The following CDH18 variants were observed in gnomAD, a reference collection of about 807,000 sequenced individuals.
CDH18 encodes cadherin 18, also known as cadherin-18.
CDH18 carries 31 observed loss-of-function variants against 67.9 expected under a neutral mutation model. The observed-to-expected ratio is 0.46, with a 90% CI of 0.34 to 0.62. The LOEUF is 0.62. Among genes scored for constraint, CDH18 ranks in the 20% least tolerant of loss-of-function variants. The pLI, the probability that CDH18 is intolerant of heterozygous loss-of-function variation, is 0.01. For missense variants in CDH18, 890 were observed against 975.5 expected (o/e 0.91, Z 1.17); for synonymous variants, 362 against 347.2 (o/e 1.04, Z -0.48).
At chr5:20,356,753 C>CTCTATA (rs1228584814) in intron 1 of CDH18, among the ~76,000 whole-genome samples, 46 of 121,548 alleles carry the variant, frequency 3.8e-4, no homozygotes, top group African/African-American at 1.3e-3. Context: ...CTCTCTCTCT[C>CTCTATA]TATATATATA....
At chr5:20,356,753 CTATA>C (rs35935150) in intron 1 of CDH18, among the ~76,000 whole-genome samples, 14 of 121,550 alleles carry the variant, frequency 1.2e-4, no homozygotes, top group South Asian at 2.9e-4. Context: ...CTCTCTCTCT[CTATA>C]TATATATATA....
intron 5 of CDH18, among the ~76,000 whole-genome samples, chr5:19,658,944 A>G (rs1756794174): frequency 6.6e-6 from 1 of 152,060 alleles, no homozygotes; most frequent in Non-Finnish European, 1.5e-5. Context: ...TGTGGCACAT[A>G]TACACCATGG....
intron 1 of CDH18, among the ~76,000 whole-genome samples, chr5:20,507,808 G>A (rs1445536874): frequency 6.6e-6 from 1 of 152,036 alleles, no homozygotes; most frequent in African/African-American, 2.4e-5. Flanking sequence ...CTCTACATAA[G>A]GGCATTTTGA....
At chr5:20,256,972 A>AATC (rs1554108490) in intron 1 of CDH18, among the ~76,000 whole-genome samples, 46 of 141,196 alleles carry the variant, frequency 3.3e-4, no homozygotes, top group African/African-American at 1.1e-3. Flanking sequence ...TAATCTATCT[A>AATC]TATCTATATC....
chr5:19,485,785 G>A (rs1004393649), intron 11 of CDH18, among the ~76,000 whole-genome samples: 11 of 152,252 alleles, frequency 7.2e-5, no homozygotes, highest in African/African-American at 2.6e-4. Flanking sequence ...CAATCTTACA[G>A]CTGCTCCTCT....
At chr5:19,960,658 T>C (rs546837930) in intron 2 of CDH18, among the ~76,000 whole-genome samples, 52 of 131,378 alleles carry the variant, frequency 4.0e-4, no homozygotes, top group Non-Finnish European at 6.4e-4. Context: ...CGTGTATATA[T>C]ATATACACAT....
chr5:20,222,054 GACC>G (rs1741268370), intron 2 of CDH18, among the ~76,000 whole-genome samples: 1 of 151,896 alleles, frequency 6.6e-6, no homozygotes, highest in African/African-American at 2.4e-5. Flanking sequence ...CTCTTCCCTG[GACC>G]ACCTTGGTTT....
At chr5:20,126,842 T>C (rs1286989051) in intron 2 of CDH18, among the ~76,000 whole-genome samples, 2 of 152,206 alleles carry the variant, frequency 1.3e-5, no homozygotes, top group Non-Finnish European at 2.9e-5. Flanking sequence ...AAATTGAAAC[T>C]TTTGTGCACT....
At chr5:20,321,975 T>C (rs1389420696) in intron 1 of CDH18, among the ~76,000 whole-genome samples, 1 of 152,152 alleles carries the variant, frequency 6.6e-6, no homozygotes, top group African/African-American at 2.4e-5. Flanking sequence ...GCTTAATTGA[T>C]ATATTTAAAA....
In CDH18 at chr5:20,419,462, GTTTTTTTTTTTTTTTTT is replaced by G. The variant is rs202130030; in HGVS notation, c.-580+155983_-580+155999del. Among the ~76,000 whole-genome samples the G allele has an allele frequency of 2.2e-3, 164 of 75,638 alleles. 2 individuals are homozygous for G. Among genetic ancestry groups the G allele is most frequent in the South Asian group, 0.018 (47 of 2,550 alleles). The allele number at this position is 75,638 out of a possible 152,430, so 49.6% of individuals were successfully genotyped here. On this transcript the variant is annotated intron_variant, in intron 1 of 14. Coordinates refer to the CDH18 transcript ENST00000507958. The stretch of plus-strand genomic sequence containing the variant: ...CCAACCACCCAGGGTATGGGACTCT[GTTTTTTTTTTTTTTTTT>G]TTTTTTTTTTTTTTGAGATGGAGTC...
intron 2 of CDH18, among the ~76,000 whole-genome samples, chr5:20,237,475 G>T (rs1190883461): frequency 1.3e-5 from 2 of 151,804 alleles, no homozygotes; most frequent in Admixed American, 6.6e-5. Flanking sequence ...AAGTAAATTT[G>T]CAAGATATAA....
chr5:20,391,299 G>A (rs1744834657), intron 1 of CDH18, among the ~76,000 whole-genome samples: 1 of 151,798 alleles, frequency 6.6e-6, no homozygotes, highest in Admixed American at 6.6e-5. Context: ...ATCATGATGG[G>A]GTGGTTAGGG....
At chr5:20,306,761 T>G (rs1208092218) in intron 1 of CDH18, among the ~76,000 whole-genome samples, 2 of 152,172 alleles carry the variant, frequency 1.3e-5, no homozygotes, top group Non-Finnish European at 2.9e-5. Context: ...AATGCGTCTA[T>G]TTTTCCCTAT....
chr5:20,268,793 G>A (rs551571092), intron 1 of CDH18, among the ~76,000 whole-genome samples: 1 of 152,200 alleles, frequency 6.6e-6, no homozygotes, highest in South Asian at 2.1e-4. Context: ...AAAACCTAGG[G>A]AAAACTCTTC....
At chr5:19,661,817 T>G (rs2150314462) in intron 5 of CDH18, among the ~76,000 whole-genome samples, 1 of 152,184 alleles carries the variant, frequency 6.6e-6, no homozygotes, top group East Asian at 1.9e-4. Context: ...GAGCAATGAA[T>G]TTACCCTCCG....
At chr5:20,247,593 G>A (rs144165691) in intron 2 of CDH18, among the ~76,000 whole-genome samples, 1,712 of 151,822 alleles carry the variant, frequency 0.011, 34 homozygotes, top group African/African-American at 0.039. Flanking sequence ...GTGAAACCCC[G>A]TCTCTATTAA....
intron 1 of CDH18, chr5:20,305,948 T>C (rs532257482): frequency 6.0e-6 from 1 of 165,484 alleles, no homozygotes. Flanking sequence ...TATTTTATTA[T>C]ATGCTGGATA....
At chr5:19,598,169 T>C in intron 6 of CDH18, among the ~76,000 whole-genome samples, 1 of 152,160 alleles carries the variant, frequency 6.6e-6, no homozygotes, top group Non-Finnish European at 1.5e-5. Flanking sequence ...AATATCTCAG[T>C]TTCATTACAG....
intron 6 of CDH18, among the ~76,000 whole-genome samples, chr5:19,611,205 C>T (rs1202947107): frequency 4.0e-5 from 6 of 151,592 alleles, no homozygotes; most frequent in Admixed American, 1.3e-4. Context: ...TGAACAAGCA[C>T]GCAAAAGTGC....
Sources: gnomAD v4.1 joint callset for allele counts (sites outside exome capture counted in the v4.1 genomes callset) on GRCh38, gnomAD v4.1.1 for gene constraint, MANE v1.5 for transcripts, NCBI Gene and HGNC (gene_info 2026-07-23, HGNC 2026-07-21) for gene names.